Variants in ROBO1 observed in about 807,000 individuals in gnomAD.
ROBO1 encodes the protein roundabout homolog 1.
ROBO1 carries 149 observed loss-of-function variants against 195.9 expected under a neutral mutation model. That is an observed-to-expected ratio of 0.76 (90% CI 0.67 to 0.87). ROBO1 has a LOEUF of 0.87. Among genes scored for constraint, ROBO1 ranks in the 40% least tolerant of loss-of-function variants. The probability of loss-of-function intolerance (pLI) is 0.00; values close to 1 mark genes in which losing one functional copy is unlikely to be tolerated. For synonymous variants in ROBO1, 816 were observed against 733.2 expected, an observed-to-expected ratio of 1.11 and a Z score of -1.82; for missense variants, 1,933 against 2,068.3, an observed-to-expected ratio of 0.93 and a Z score of 1.27.
intron 1 of ROBO1, among the ~76,000 whole-genome samples, chr3:79,638,712 A>G (rs143496515): frequency 2.0e-5 from 3 of 152,318 alleles, no homozygotes; most frequent in African/African-American, 7.2e-5. Flanking sequence ...CTTTTTCAGT[A>G]TTAGAGCTTG....
chr3:79,027,993 C>T (rs1167025865), intron 3 of ROBO1, among the ~76,000 whole-genome samples: 1 of 151,986 alleles, frequency 6.6e-6, no homozygotes, highest in Non-Finnish European at 1.5e-5. Context: ...TTACTTTTTA[C>T]CTACAATGTT....
chr3:79,421,115 GC>G (rs1384824317), intron 2 of ROBO1, among the ~76,000 whole-genome samples: 2 of 152,042 alleles, frequency 1.3e-5, no homozygotes, highest in African/African-American at 4.8e-5. Context: ...GAAAAGTCAT[GC>G]AGAAATAGAA....
intron 4 of ROBO1, among the ~76,000 whole-genome samples, chr3:78,885,433 A>C (rs1197850189): frequency 1.2e-4 from 18 of 149,736 alleles, no homozygotes; most frequent in African/African-American, 3.4e-4. Context: ...AAAAAAAAAA[A>C]AAAAAAAAAC....
At chr3:79,756,407 G>T (rs1216015611) in intron 1 of ROBO1, among the ~76,000 whole-genome samples, 1 of 152,078 alleles carries the variant, frequency 6.6e-6, no homozygotes, top group Admixed American at 6.6e-5. Context: ...AAATTAGCCA[G>T]GTGTGGTGGC....
chr3:79,728,493 C>A (rs1219977441), intron 1 of ROBO1, among the ~76,000 whole-genome samples: 3 of 152,084 alleles, frequency 2.0e-5, no homozygotes, highest in East Asian at 3.8e-4. Context: ...CCTTGACTGA[C>A]AATAAGTAGA....
intron 2 of ROBO1, among the ~76,000 whole-genome samples, chr3:79,495,075 T>C (rs1939661222): frequency 6.6e-6 from 1 of 152,196 alleles, no homozygotes; most frequent in Non-Finnish European, 1.5e-5. Flanking sequence ...CTGATTAGAA[T>C]GTATACTCTG....
chr3:79,713,193 T>C (rs965820821), intron 1 of ROBO1, among the ~76,000 whole-genome samples: 1 of 151,514 alleles, frequency 6.6e-6, no homozygotes, highest in African/African-American at 2.4e-5. Context: ...TTAATGGAAA[T>C]GTACAAGGAG....
chr3:78,871,753 A>G (rs2107151018), intron 4 of ROBO1, among the ~76,000 whole-genome samples: 1 of 151,730 alleles, frequency 6.6e-6, no homozygotes, highest in Admixed American at 6.6e-5. Context: ...AAAAAAAAAA[A>G]AAAAAAAAGA....
intron 2 of ROBO1, among the ~76,000 whole-genome samples, chr3:79,316,905 C>T (rs1287284838): frequency 1.3e-5 from 2 of 152,100 alleles, no homozygotes; most frequent in Non-Finnish European, 2.9e-5. Context: ...TAAACATTAT[C>T]ATTGTCATCA....
intron 4 of ROBO1, among the ~76,000 whole-genome samples, chr3:78,876,558 A>T (rs1469578555): frequency 2.6e-5 from 4 of 152,226 alleles, no homozygotes; most frequent in Admixed American, 6.5e-5. Context: ...TTAGAATAAT[A>T]AATTCAATTG....
At chr3:79,128,973 A>G (rs2080271028) in intron 2 of ROBO1, among the ~76,000 whole-genome samples, 1 of 152,136 alleles carries the variant, frequency 6.6e-6, no homozygotes, top group South Asian at 2.1e-4. Context: ...GTTCTTTTCA[A>G]AATGCTGTCT....
chr3:79,398,452 T>A (rs548949075), intron 2 of ROBO1, among the ~76,000 whole-genome samples: 107 of 152,218 alleles, frequency 7.0e-4, no homozygotes, highest in African/African-American at 2.5e-3. Context: ...GATATAGGTG[T>A]GTAGTATTAT....
intron 1 of ROBO1, among the ~76,000 whole-genome samples, chr3:79,736,040 C>G (rs538221361): frequency 1.3e-5 from 2 of 151,878 alleles, no homozygotes; most frequent in Non-Finnish European, 2.9e-5. Flanking sequence ...TTCTACAGTG[C>G]GTGTGTAAAA....
chr3:79,677,591 C>T (rs1428662718), intron 1 of ROBO1, among the ~76,000 whole-genome samples: 1 of 151,992 alleles, frequency 6.6e-6, no homozygotes, highest in Non-Finnish European at 1.5e-5. Flanking sequence ...TCCCCCACAA[C>T]ACGTGGGAAT....
intron 4 of ROBO1, among the ~76,000 whole-genome samples, chr3:78,792,639 C>G (rs17311057): frequency 6.6e-6 from 1 of 152,066 alleles, no homozygotes; most frequent in East Asian, 1.9e-4. Context: ...ATCCCACAGT[C>G]GCCTCACTTT....
chr3:78,688,488 G>C (rs564905217), intron 9 of ROBO1, among the ~76,000 whole-genome samples, 160 bp downstream of exon 9: 1 of 152,196 alleles, frequency 6.6e-6, no homozygotes, highest in Non-Finnish European at 1.5e-5. Flanking sequence ...AGACAATTTT[G>C]TCTTCTTTCT....
chr3:79,725,879 A>C, intron 1 of ROBO1, among the ~76,000 whole-genome samples: 1 of 151,856 alleles, frequency 6.6e-6, no homozygotes, highest in Admixed American at 6.6e-5. Flanking sequence ...GTCATTAAAT[A>C]TAATAAAGCT....
At chr3:79,460,465 A>T (rs759977130) in intron 2 of ROBO1, among the ~76,000 whole-genome samples, 4 of 152,254 alleles carry the variant, frequency 2.6e-5, no homozygotes, top group Non-Finnish European at 5.9e-5. Flanking sequence ...GCAAGTGCTT[A>T]TACAAAGAAA....
chr3:79,590,825 A>G (rs1178735466), intron 1 of ROBO1, among the ~76,000 whole-genome samples: 1 of 151,674 alleles, frequency 6.6e-6, no homozygotes, highest in Non-Finnish European at 1.5e-5. Flanking sequence ...AGGTAGATAG[A>G]TGATAGATAG....
Sources: gnomAD v4.1 joint callset for allele counts (sites outside exome capture counted in the v4.1 genomes callset) on GRCh38, gnomAD v4.1.1 for gene constraint, MANE v1.5 for transcripts, NCBI Gene and HGNC (gene_info 2026-07-23, HGNC 2026-07-21) for gene names.